The following SGCD variants were observed in gnomAD, a reference collection of about 807,000 sequenced individuals.
SGCD encodes delta-sarcoglycan.
SGCD carries 18 observed loss-of-function variants against 36.6 expected under a neutral mutation model. That is an observed-to-expected ratio of 0.49 (90% CI 0.34 to 0.73). SGCD has a LOEUF of 0.73. Among genes scored for constraint, SGCD ranks in the 30% least tolerant of loss-of-function variants. SGCD has a pLI of 0.01. For missense variants in SGCD, 387 were observed against 346.7 expected (o/e 1.12, Z -0.92); for synonymous variants, 133 against 130.6 (o/e 1.02, Z -0.12).
chr5:155,872,608 A>G (rs1755678423), intron 1 of SGCD, among the ~76,000 whole-genome samples: 1 of 152,148 alleles, frequency 6.6e-6, no homozygotes, highest in Admixed American at 6.6e-5. Flanking sequence ...CACTGTGTAC[A>G]TTTCTTTTGC....
intron 2 of SGCD, 132 bp from the exon 3 acceptor site, chr5:156,344,357 G>C (rs1580848793): frequency 3.3e-6 from 2 of 602,354 alleles, no homozygotes; most frequent in East Asian, 6.6e-5. Context: ...GATTTTTAGA[G>C]TTGTCAGAGG....
At chr5:156,713,163 G>A (rs762676055) in intron 7 of SGCD, among the ~76,000 whole-genome samples, 7 of 152,090 alleles carry the variant, frequency 4.6e-5, no homozygotes, top group Middle Eastern at 3.2e-3. Flanking sequence ...TGTCCACTAC[G>A]ACTTGGCTAG....
At chr5:156,550,864 A>G (rs187950104) in intron 4 of SGCD, among the ~76,000 whole-genome samples, 1 of 152,334 alleles carries the variant, frequency 6.6e-6, no homozygotes. Context: ...GCTTAGGAAT[A>G]AGCATCCTTC....
chr5:156,017,418 C>T (rs1759009256), intron 1 of SGCD, among the ~76,000 whole-genome samples: 1 of 151,688 alleles, frequency 6.6e-6, no homozygotes, highest in East Asian at 1.9e-4. Context: ...TTATGTTTAC[C>T]TAGGTTATAG....
chr5:155,816,428 T>G, the SGCD span, among the ~76,000 whole-genome samples: 13 of 152,328 alleles, frequency 8.5e-5, no homozygotes, highest in East Asian at 2.5e-3. Flanking sequence ...TACTATTTAT[T>G]AAGTGGCAGT....
intron 7 of SGCD, among the ~76,000 whole-genome samples, chr5:156,752,152 A>G (rs1487117689): frequency 6.6e-6 from 1 of 152,226 alleles, no homozygotes; most frequent in Non-Finnish European, 1.5e-5. Flanking sequence ...AGGGAAAACA[A>G]AAGTCATTAA....
intron 3 of SGCD, among the ~76,000 whole-genome samples, chr5:156,252,461 G>T (rs2127661558): frequency 6.6e-6 from 1 of 152,280 alleles, no homozygotes; most frequent in African/African-American, 2.4e-5. Flanking sequence ...GGCTATTGTG[G>T]ATGTCTAAGT....
the SGCD span, among the ~76,000 whole-genome samples, chr5:155,758,842 T>C: frequency 6.6e-6 from 1 of 152,208 alleles, no homozygotes; most frequent in East Asian, 1.9e-4. Context: ...CTGTGGCTCT[T>C]TTTCTTTCTT....
chr5:156,380,387 T>A (rs992330145), intron 3 of SGCD, among the ~76,000 whole-genome samples: 1 of 152,182 alleles, frequency 6.6e-6, no homozygotes, highest in African/African-American at 2.4e-5. Flanking sequence ...AAAATGTAAA[T>A]ACAACCTTCC....
At position 156,207,463 on chromosome 5, in the gene SGCD, A is replaced by C. The variant is rs546585315; in HGVS notation, c.-44+83444A>C. ...GTTCGAAAATGTGCTCATGATTTTAATTATACTATCAATCTTTGCTGTCTA... is the reference window on the plus strand; with the variant it reads ...GTTCGAAAATGTGCTCATGATTTTACTTATACTATCAATCTTTGCTGTCTA... On this transcript the variant is annotated intron_variant, in intron 3 of 9. Transcript: ENST00000517913. 2.5e-3 allele frequency among the ~76,000 whole-genome samples: 379 copies of C among 152,306 alleles called. 2 individuals are homozygous for C. Among genetic ancestry groups the C allele is most frequent in the African/African-American group, 7.8e-3 (325 of 41,580 alleles).
At chr5:156,444,216 A>G (rs1312925218) in intron 3 of SGCD, among the ~76,000 whole-genome samples, 2 of 90,620 alleles carry the variant, frequency 2.2e-5, no homozygotes, top group Non-Finnish European at 4.7e-5. Flanking sequence ...CCTTCCTTTT[A>G]TCTCTCTCTC....
intron 7 of SGCD, among the ~76,000 whole-genome samples, chr5:156,700,942 C>CAAAA (rs66896485): frequency 2.4e-4 from 31 of 128,444 alleles, no homozygotes; most frequent in African/African-American, 6.7e-4. Flanking sequence ...GACCTTGTCT[C>CAAAA]AAAAAAAAAA....
At chr5:156,223,541 C>A (rs984291387) in intron 3 of SGCD, among the ~76,000 whole-genome samples, 1 of 151,998 alleles carries the variant, frequency 6.6e-6, no homozygotes, top group African/African-American at 2.4e-5. Flanking sequence ...GTTGTTAGGG[C>A]AAGACTTCGG....
At chr5:156,535,696 T>C (rs1039120676) in intron 4 of SGCD, among the ~76,000 whole-genome samples, 1 of 152,192 alleles carries the variant, frequency 6.6e-6, no homozygotes, top group Admixed American at 6.5e-5. Context: ...ATAGTCTATT[T>C]TTACACAATG....
chr5:156,469,188 G>GT (rs1165057657), intron 3 of SGCD, among the ~76,000 whole-genome samples: 1 of 152,080 alleles, frequency 6.6e-6, no homozygotes, highest in African/African-American at 2.4e-5. Context: ...CCAAGCTTGT[G>GT]TTTTTTGTTG....
At chr5:156,434,707 A>G (rs984748026) in intron 3 of SGCD, among the ~76,000 whole-genome samples, 1 of 152,212 alleles carries the variant, frequency 6.6e-6, no homozygotes, top group Non-Finnish European at 1.5e-5. Context: ...TTCCCTAATC[A>G]TTAGGCGATT....
intron 4 of SGCD, among the ~76,000 whole-genome samples, chr5:156,588,181 G>C (rs765324766): frequency 6.6e-6 from 1 of 151,796 alleles, no homozygotes; most frequent in East Asian, 1.9e-4. Context: ...GTGTTAGCAC[G>C]CAGTGGCCTT....
intron 1 of SGCD, 114 bp from the exon 2 acceptor site, chr5:156,329,420 G>A (rs778412078): frequency 8.0e-6 from 6 of 750,240 alleles, no homozygotes; most frequent in Non-Finnish European, 1.2e-5. Flanking sequence ...CCTTCTGGAA[G>A]TAATCAGAAA....
At position 156,010,490 on chromosome 5, in the gene SGCD, A is replaced by C. The variant is rs148614840; in HGVS notation, c.-281-107388A>C. ...TACATTGTTACTCAATGCACAATCA[A>C]ATGCAGGACTGCAATAGTTTTTCAG... is the stretch of plus-strand genomic sequence containing the variant. On this transcript the variant is annotated intron_variant, in intron 1 of 9. Coordinates refer to the SGCD transcript ENST00000517913. 1.8e-3 allele frequency among the ~76,000 whole-genome samples: 271 copies of C among 152,344 alleles called. 1 individual carries two copies. The highest frequency in any genetic ancestry group is 4.3e-3 in the South Asian group (21 of 4,830).
Sources: allele counts gnomAD v4.1 joint callset (sites outside exome capture counted in the v4.1 genomes callset), GRCh38; gene constraint gnomAD v4.1.1; transcripts MANE v1.5; gene names NCBI Gene and HGNC (gene_info 2026-07-23, HGNC 2026-07-21).